Variants in HDAC9 observed in about 807,000 individuals in gnomAD.
The protein encoded by HDAC9 is MEF-2 interacting transcription repressor (MITR) protein.
Under a neutral mutation model 139.4 loss-of-function variants are expected in HDAC9, and 41 were observed. That is an observed-to-expected ratio of 0.29 (90% CI 0.23 to 0.38). HDAC9 has a LOEUF of 0.38. Among genes scored for constraint, HDAC9 ranks in the 10% least tolerant of loss-of-function variants. The pLI, the probability that HDAC9 is intolerant of heterozygous loss-of-function variation, is 1.00. For synonymous variants in HDAC9, 517 were observed against 476.2 expected, an observed-to-expected ratio of 1.09 and a Z score of -1.12; for missense variants, 1,147 against 1,297.0, an observed-to-expected ratio of 0.88 and a Z score of 1.78.
At chr7:18,925,370 A>C (rs75815396) in intron 22 of HDAC9, among the ~76,000 whole-genome samples, 2,467 of 152,228 alleles carry the variant, frequency 0.016, 61 homozygotes, top group African/African-American at 0.056. Flanking sequence ...GCATTTCAGC[A>C]CTTAGCATGG....
At chr7:18,289,991 T>A, upstream of HDAC9, 1 of 152,906 alleles carries the variant, frequency 6.5e-6, no homozygotes, top group East Asian at 1.9e-4. Context: ...GTAAATTGGA[T>A]CCATTCCAGG....
At chr7:18,095,816 T>A (rs1400574264) in intron 1 of HDAC9, among the ~76,000 whole-genome samples, 8 of 152,224 alleles carry the variant, frequency 5.3e-5, no homozygotes, top group Admixed American at 2.0e-4. Flanking sequence ...GATGCTGTAT[T>A]GTTGAAATTA....
chr7:18,613,814 T>C (rs1837836917), intron 6 of HDAC9, among the ~76,000 whole-genome samples: 1 of 152,092 alleles, frequency 6.6e-6, no homozygotes, highest in African/African-American at 2.4e-5. Flanking sequence ...ATCTGTGCAT[T>C]TTTCTCAGGC....
At chr7:18,319,600 TC>T (rs2128633904) in intron 1 of HDAC9, among the ~76,000 whole-genome samples, 1 of 152,372 alleles carries the variant, frequency 6.6e-6, no homozygotes, top group East Asian at 1.9e-4. Flanking sequence ...AAATTTACTT[TC>T]TTTTTTGACT....
At chr7:18,987,439 C>G (rs1785457759) in intron 25 of HDAC9, among the ~76,000 whole-genome samples, 1 of 152,158 alleles carries the variant, frequency 6.6e-6, no homozygotes, top group East Asian at 1.9e-4. Flanking sequence ...GGTGGATAAG[C>G]TTTTTGATGT....
intron 12 of HDAC9, among the ~76,000 whole-genome samples, chr7:18,691,940 A>AGAGGG (rs1187654434): frequency 6.6e-6 from 1 of 152,042 alleles, no homozygotes; most frequent in Non-Finnish European, 1.5e-5. Flanking sequence ...CATAAAGAAA[A>AGAGGG]GAGGGCAGAC....
At position 18,593,890 on chromosome 7, in the gene HDAC9, C is replaced by T. The variant is rs1292740757; in HGVS notation, c.543-18C>T. 1.9e-6 allele frequency: 3 copies of T among 1,611,604 alleles called. No homozygotes were observed. The highest frequency in any genetic ancestry group is 2.5e-6 in the Non-Finnish European group (3 of 1,178,452). On this transcript the variant is annotated intron_variant, in intron 5 of 25. Transcript: ENST00000686413. ...AAAAACTACCAAGTAAATAGTGAAA[C>T]TTCCTTGTCTTTTCTAGGGCTGCCC...
chr7:18,089,170 G>A (rs1191088513), intron 1 of HDAC9, among the ~76,000 whole-genome samples: 1 of 152,016 alleles, frequency 6.6e-6, no homozygotes, highest in African/African-American at 2.4e-5. Flanking sequence ...GGAAGTTAAG[G>A]AGTTTTAAAT....
intron 2 of HDAC9, among the ~76,000 whole-genome samples, chr7:18,201,950 C>T (rs541548923): frequency 1.8e-4 from 28 of 152,282 alleles, no homozygotes; most frequent in African/African-American, 6.5e-4. Flanking sequence ...GCTCAGAATA[C>T]TTCCCAGTAA....
At chr7:18,984,176 C>G (rs2526636) in intron 25 of HDAC9, among the ~76,000 whole-genome samples, 2,988 of 152,048 alleles carry the variant, frequency 0.02, 103 homozygotes, top group African/African-American at 0.065. Flanking sequence ...ATCTGCATCC[C>G]TTTGGCTTAG....
At chr7:18,734,506 T>C (rs532826290) in intron 13 of HDAC9, among the ~76,000 whole-genome samples, 3 of 152,234 alleles carry the variant, frequency 2.0e-5, no homozygotes, top group Non-Finnish European at 4.4e-5. Context: ...TGTGATAGTT[T>C]GCTGAGAATG....
chr7:18,176,961 G>A (rs975149791), intron 2 of HDAC9, among the ~76,000 whole-genome samples: 1 of 152,086 alleles, frequency 6.6e-6, no homozygotes, highest in African/African-American at 2.4e-5. Context: ...TATAGATATT[G>A]GAAAAATAAT....
At chr7:18,466,648 C>T (rs1441733989) in intron 1 of HDAC9, among the ~76,000 whole-genome samples, 2 of 152,218 alleles carry the variant, frequency 1.3e-5, no homozygotes, top group Non-Finnish European at 2.9e-5. Context: ...ACCTTGGGCT[C>T]ACCCAAATAA....
chr7:18,961,056 C>A (rs1166550355), intron 24 of HDAC9, among the ~76,000 whole-genome samples: 2 of 152,142 alleles, frequency 1.3e-5, no homozygotes, highest in Non-Finnish European at 2.9e-5. Flanking sequence ...TTTCCTCTTT[C>A]TTTTTGTCCC....
At chr7:18,782,163 C>T (rs963307259) in intron 16 of HDAC9, among the ~76,000 whole-genome samples, 1 of 152,066 alleles carries the variant, frequency 6.6e-6, no homozygotes, top group Non-Finnish European at 1.5e-5. Flanking sequence ...TACTAAACTG[C>T]TCAGAACTGG....
At chr7:18,754,256 G>A (rs916892273) in intron 14 of HDAC9, among the ~76,000 whole-genome samples, 9 of 151,984 alleles carry the variant, frequency 5.9e-5, no homozygotes, top group African/African-American at 2.2e-4. Flanking sequence ...ATGAGAAATG[G>A]ATCTGGAGGG....
intron 22 of HDAC9, among the ~76,000 whole-genome samples, chr7:18,927,960 G>GCAT (rs1804383526): frequency 6.6e-6 from 1 of 152,106 alleles, no homozygotes; most frequent in Non-Finnish European, 1.5e-5. Flanking sequence ...TGGGAGACTG[G>GCAT]CATCAGCAAC....
At chr7:18,619,309 A>G (rs1207997469) in intron 6 of HDAC9, among the ~76,000 whole-genome samples, 3 of 152,152 alleles carry the variant, frequency 2.0e-5, no homozygotes, top group South Asian at 2.1e-4. Flanking sequence ...CTTCTCAACA[A>G]TATTTGAGAC....
Position 18,767,098 on chromosome 7 carries a change from C to T in HDAC9, c.2165-8C>T, listed in dbSNP as rs766496664. The T allele has an allele frequency of 7.6e-5, 112 of 1,466,278 alleles. No homozygotes were observed. Among genetic ancestry groups the T allele is most frequent in the Admixed American group, 6.1e-4 (30 of 49,060 alleles). The allele number at this position is 1,466,278 out of a possible 1,614,324, so 90.8% of individuals were successfully genotyped here. ...TATCTATATTTTTTATGTCTTCTTA[C>T]TGTATAGGTGATGACTCTCAAAAGT... is the stretch of plus-strand genomic sequence containing the variant. On this transcript the variant is annotated splice_region_variant and splice_polypyrimidine_tract_variant and intron_variant, in intron 15 of 25. Transcript: ENST00000686413.
Sources: gnomAD v4.1 joint callset for allele counts (sites outside exome capture counted in the v4.1 genomes callset) on GRCh38, gnomAD v4.1.1 for gene constraint, MANE v1.5 for transcripts, NCBI Gene and HGNC (gene_info 2026-07-23, HGNC 2026-07-21) for gene names.